L3MBTL4: variants seen among roughly 807,000 people sequenced by gnomAD.
The protein encoded by L3MBTL4 is lethal(3)malignant brain tumor-like protein 4.
A neutral mutation model predicts 84.5 loss-of-function variants in L3MBTL4; 70 were observed. The observed-to-expected ratio is 0.83, with a 90% CI of 0.68 to 1.01. L3MBTL4 has a LOEUF of 1.01. L3MBTL4 is among the 50% of genes least tolerant of loss of function. The probability of loss-of-function intolerance (pLI) is 0.00; values close to 1 mark genes in which losing one functional copy is unlikely to be tolerated. For missense variants in L3MBTL4, 715 were observed against 754.8 expected (o/e 0.95, Z 0.62); for synonymous variants, 274 against 259.8 (o/e 1.05, Z -0.52).
intron 13 of L3MBTL4, among the ~76,000 whole-genome samples, chr18:6,157,245 C>G (rs1310585504): frequency 2.6e-5 from 4 of 152,124 alleles, no homozygotes; most frequent in African/African-American, 9.7e-5. Context: ...AGAACAAGTA[C>G]TAAAGATTCC....
Position 6,310,287 on chromosome 18 carries a change from C to T in L3MBTL4, c.72+1267G>A, listed in dbSNP as rs1309255526. On this transcript the variant is annotated intron_variant, in intron 3 of 18. Transcript: ENST00000317931. ...CACCTCTTAAATAGAAAGTTCTTCC[C>T]TTATACATTTAGAGCTCTAAACTCT... Among the ~76,000 whole-genome samples the T allele has an allele frequency of 2.0e-5, 3 of 152,208 alleles. No homozygotes were observed. The East Asian group carries it at 5.8e-4, about 29-fold the overall frequency.
intron 13 of L3MBTL4, among the ~76,000 whole-genome samples, chr18:6,145,116 G>C (rs527817398): frequency 6.6e-6 from 1 of 152,248 alleles, no homozygotes; most frequent in Non-Finnish European, 1.5e-5. Context: ...AAACACTCAA[G>C]TTGCGTATGT....
chr18:6,350,977 A>C (rs1423984924), intron 1 of L3MBTL4, among the ~76,000 whole-genome samples: 1 of 152,214 alleles, frequency 6.6e-6, no homozygotes, highest in Non-Finnish European at 1.5e-5. Flanking sequence ...AGATCACCTG[A>C]GGTCAGGAGT....
chr18:6,237,912 A>G, intron 10 of L3MBTL4, 52 bp downstream of exon 10: 1 of 1,323,452 alleles, frequency 7.6e-7, no homozygotes, highest in Non-Finnish European at 1.1e-6. Flanking sequence ...AAAAATGAGG[A>G]CTGCCACTCA....
intron 1 of L3MBTL4, among the ~76,000 whole-genome samples, chr18:6,387,968 A>G (rs985074888): frequency 2.6e-5 from 4 of 152,212 alleles, no homozygotes; most frequent in African/African-American, 9.6e-5. Flanking sequence ...CACACTATCT[A>G]GAGTGTGGAG....
At chr18:6,341,520 A>T (rs1042997669) in intron 1 of L3MBTL4, among the ~76,000 whole-genome samples, 2 of 144,570 alleles carry the variant, frequency 1.4e-5, no homozygotes, top group East Asian at 2.0e-4. Flanking sequence ...TCAATGGCAG[A>T]CTCAATCAAG....
At chr18:5,980,771 A>G (rs991656601) in intron 16 of L3MBTL4, among the ~76,000 whole-genome samples, 1 of 152,148 alleles carries the variant, frequency 6.6e-6, no homozygotes, top group Non-Finnish European at 1.5e-5. Context: ...GGCAAACTCA[A>G]TGAAGAAGTA....
At chr18:6,359,339 G>A (rs1019395998) in intron 1 of L3MBTL4, among the ~76,000 whole-genome samples, 6 of 152,060 alleles carry the variant, frequency 3.9e-5, no homozygotes, top group Non-Finnish European at 8.8e-5. Flanking sequence ...CAGCTATTTG[G>A]GAGGCTGAGG....
At chr18:5,983,192 G>C (rs1342484903) in intron 16 of L3MBTL4, among the ~76,000 whole-genome samples, 2 of 152,218 alleles carry the variant, frequency 1.3e-5, no homozygotes, top group Non-Finnish European at 2.9e-5. Flanking sequence ...TCTTCTTCAA[G>C]TAAATGACAC....
At chr18:6,174,992 G>T (rs894147336) in intron 12 of L3MBTL4, among the ~76,000 whole-genome samples, 2 of 151,968 alleles carry the variant, frequency 1.3e-5, no homozygotes, top group African/African-American at 4.8e-5. Flanking sequence ...AGCAGGAATA[G>T]TGGTCAAACA....
rs115055033 is a variant in L3MBTL4, at chr18:6,266,495, C to T, written c.128-2457G>A. ...GTAAAAGGTCAGTGCTGCATCAGCA[C>T]CAGAGATGACAGGAGGTAAGATGCA... On this transcript the variant is annotated intron_variant, in intron 4 of 18. Coordinates refer to ENST00000317931, the MANE Select transcript of L3MBTL4 (RefSeq NM_001330559.2). Among the ~76,000 whole-genome samples the T allele has an allele frequency of 4.8e-3, 725 of 152,228 alleles. 12 individuals are homozygous for T. Among genetic ancestry groups the T allele is most frequent in the African/African-American group, 0.017 (708 of 41,536 alleles).
chr18:6,393,675 T>C (rs1040844339), intron 1 of L3MBTL4, among the ~76,000 whole-genome samples: 3 of 152,270 alleles, frequency 2.0e-5, no homozygotes, highest in Admixed American at 6.5e-5. Flanking sequence ...GTGGCTCTCC[T>C]TTCAAAATAA....
chr18:6,362,106 C>A (rs892050384), intron 1 of L3MBTL4, among the ~76,000 whole-genome samples: 1 of 101,284 alleles, frequency 9.9e-6, no homozygotes, highest in South Asian at 3.7e-4. Flanking sequence ...AAGACACTAT[C>A]AAAAAAAGAA....
At chr18:6,121,570 T>C (rs1474013040) in intron 14 of L3MBTL4, among the ~76,000 whole-genome samples, 1 of 152,218 alleles carries the variant, frequency 6.6e-6, no homozygotes, top group Non-Finnish European at 1.5e-5. Context: ...TATTGATATT[T>C]CATGTCTTAC....
chr18:6,147,371 CAAAT>C (rs1422702584), intron 13 of L3MBTL4, among the ~76,000 whole-genome samples: 1 of 151,914 alleles, frequency 6.6e-6, no homozygotes, highest in African/African-American at 2.4e-5. Context: ...ATTAGTGTCT[CAAAT>C]AGAAGAAGAA....
At chr18:6,129,368 C>CTGTGTG (rs772735191) in intron 14 of L3MBTL4, among the ~76,000 whole-genome samples, 1,905 of 138,264 alleles carry the variant, frequency 0.014, 29 homozygotes, top group African/African-American at 0.028. Flanking sequence ...GGAATTCTCT[C>CTGTGTG]TGTGTGTGTG....
intron 10 of L3MBTL4, among the ~76,000 whole-genome samples, chr18:6,230,073 C>CTTTT (rs754359545): frequency 6.6e-6 from 1 of 152,004 alleles, no homozygotes; most frequent in African/African-American, 2.4e-5. Context: ...GGTAGGTTGA[C>CTTTT]TTTTTTTAAA....
intron 1 of L3MBTL4, among the ~76,000 whole-genome samples, chr18:6,385,766 A>G (rs2054792143): frequency 6.6e-6 from 1 of 152,046 alleles, no homozygotes; most frequent in East Asian, 1.9e-4. Flanking sequence ...CTATTCCTAA[A>G]CCTCTCTCCA....
chr18:6,358,183 C>A (rs2053528928), intron 1 of L3MBTL4, among the ~76,000 whole-genome samples: 1 of 152,178 alleles, frequency 6.6e-6, no homozygotes, highest in Admixed American at 6.5e-5. Context: ...TAGAAAATGA[C>A]CTTTAAGACC....
Sources: gnomAD v4.1 joint callset for allele counts (sites outside exome capture counted in the v4.1 genomes callset) on GRCh38, gnomAD v4.1.1 for gene constraint, MANE v1.5 for transcripts, NCBI Gene and HGNC (gene_info 2026-07-23, HGNC 2026-07-21) for gene names.